TNR: variants seen among roughly 807,000 people sequenced by gnomAD.
The protein encoded by TNR is tenascin-R.
Under a neutral mutation model 150.4 loss-of-function variants are expected in TNR, and 45 were observed. That is an observed-to-expected ratio of 0.30 (90% CI 0.24 to 0.38). TNR has a LOEUF of 0.38. Among genes scored for constraint, TNR ranks in the 10% least tolerant of loss-of-function variants. TNR has a pLI of 1.00. For missense variants in TNR, 1,544 were observed against 1,759.1 expected, an observed-to-expected ratio of 0.88 and a Z score of 2.19; for synonymous variants, 687 against 678.4, an observed-to-expected ratio of 1.01 and a Z score of -0.20.
intron 1 of TNR, among the ~76,000 whole-genome samples, chr1:175,684,496 A>G (rs1160092839): frequency 2.0e-5 from 3 of 152,222 alleles, no homozygotes; most frequent in African/African-American, 4.8e-5. Flanking sequence ...TGTAATTGAC[A>G]TGTGAGCAAA....
At chr1:175,733,265 T>C (rs1001043965) in intron 1 of TNR, among the ~76,000 whole-genome samples, 11 of 152,188 alleles carry the variant, frequency 7.2e-5, no homozygotes, top group African/African-American at 2.4e-4. Flanking sequence ...TTAGTGAATG[T>C]CAGTTGTGGT....
chr1:175,443,510 T>A (rs926295558), intron 2 of TNR, among the ~76,000 whole-genome samples: 1 of 152,184 alleles, frequency 6.6e-6, no homozygotes, highest in African/African-American at 2.4e-5. Context: ...CTTAGCTCTG[T>A]GGTTGGGACT....
chr1:175,322,867 G>A lies in TNR; in HGVS notation c.*490C>T, dbSNP rs1231828340. 1 of 152,440 alleles carries A rather than the reference G, an allele frequency of 6.6e-6. No individual in the cohort carries two copies. The highest frequency in any genetic ancestry group is 1.5e-5 in the Non-Finnish European group (1 of 68,254). 9.4% of individuals were successfully genotyped at this position (152,440 alleles called of 1,614,324 possible). A position where few individuals can be genotyped will look rare whatever the true frequency, so the allele number is the denominator to read the frequency against. ...AAAAGAACCTGGGTTGTTGGGATGCGGTGTAGTTGATCTGTTTCCTTTTAA... is the reference window on the plus strand; with the variant it reads ...AAAAGAACCTGGGTTGTTGGGATGCAGTGTAGTTGATCTGTTTCCTTTTAA... On this transcript the variant is annotated 3_prime_UTR_variant, in exon 23 of 23. Coordinates refer to ENST00000367674, the MANE Select transcript of TNR (RefSeq NM_003285.3).
intron 2 of TNR, among the ~76,000 whole-genome samples, chr1:175,520,358 G>T (rs74127321): frequency 0.027 from 4,175 of 152,184 alleles, 82 homozygotes; most frequent in African/African-American, 0.055. Flanking sequence ...CACTCCCTTG[G>T]CCCATGGCCA....
intron 2 of TNR, among the ~76,000 whole-genome samples, chr1:175,436,076 T>A (rs1443089707): frequency 6.6e-6 from 1 of 152,226 alleles, no homozygotes; most frequent in East Asian, 1.9e-4. Flanking sequence ...TAACATTTTT[T>A]CCTTCATTTC....
intron 20 of TNR, among the ~76,000 whole-genome samples, chr1:175,331,069 CTTTCT>C (rs1649812196): frequency 3.1e-5 from 4 of 127,568 alleles, no homozygotes; most frequent in Non-Finnish European, 4.9e-5. Flanking sequence ...TTCTTTCTTT[CTTTCT>C]TTCCTTCTTT....
At chr1:175,648,294 G>A (rs1030313351) in intron 1 of TNR, among the ~76,000 whole-genome samples, 2 of 152,114 alleles carry the variant, frequency 1.3e-5, no homozygotes, top group Non-Finnish European at 2.9e-5. Flanking sequence ...CGTGCTCAAT[G>A]GATATAGGAC....
intron 1 of TNR, among the ~76,000 whole-genome samples, chr1:175,624,942 G>T (rs1040534258): frequency 2.0e-5 from 3 of 152,204 alleles, no homozygotes; most frequent in Non-Finnish European, 4.4e-5. Flanking sequence ...AGCACCTCCT[G>T]CTTCAGATTT....
At chr1:175,727,108 C>T (rs1032041224) in intron 1 of TNR, among the ~76,000 whole-genome samples, 3 of 152,244 alleles carry the variant, frequency 2.0e-5, no homozygotes, top group African/African-American at 4.8e-5. Context: ...GACAAGGGAA[C>T]TCTCCTGACT....
chr1:175,740,945 G>A (rs369773449), intron 1 of TNR, among the ~76,000 whole-genome samples: 12 of 152,214 alleles, frequency 7.9e-5, no homozygotes, highest in Admixed American at 6.5e-4. Context: ...TCAGGTGCAC[G>A]ACATCAGTTC....
At chr1:175,585,958 G>T (rs1374192694) in intron 1 of TNR, among the ~76,000 whole-genome samples, 1 of 152,208 alleles carries the variant, frequency 6.6e-6, no homozygotes, top group African/African-American at 2.4e-5. Flanking sequence ...GCACTGAGGT[G>T]TGCCAAAACT....
At chr1:175,650,693 CCCTA>C (rs1664934314) in intron 1 of TNR, among the ~76,000 whole-genome samples, 1 of 19,960 alleles carries the variant, frequency 5.0e-5, no homozygotes, top group African/African-American at 1.9e-4. Flanking sequence ...TACTACCTTT[CCCTA>C]CCCCATTACT....
chr1:175,733,602 T>G (rs1667698131), intron 1 of TNR, among the ~76,000 whole-genome samples: 1 of 152,160 alleles, frequency 6.6e-6, no homozygotes, highest in Non-Finnish European at 1.5e-5. Context: ...GGCACACTCT[T>G]GCTTTGCATT....
intron 2 of TNR, among the ~76,000 whole-genome samples, chr1:175,466,167 A>G (rs1282992609): frequency 6.6e-6 from 1 of 152,202 alleles, no homozygotes; most frequent in Non-Finnish European, 1.5e-5. Flanking sequence ...TGAATTAAAT[A>G]TTATGAGCCT....
chr1:175,350,532 T>A (rs982737357), intron 18 of TNR, among the ~76,000 whole-genome samples: 1 of 152,184 alleles, frequency 6.6e-6, no homozygotes, highest in African/African-American at 2.4e-5. Context: ...AAATAATGTA[T>A]CCATATTTTT....
intron 3 of TNR, 116 bp downstream of exon 3, chr1:175,406,100 T>C: frequency 7.2e-7 from 1 of 1,393,220 alleles, no homozygotes; most frequent in Non-Finnish European, 9.6e-7. Flanking sequence ...GATGCCGGGG[T>C]TTTGCTGGGA....
At chr1:175,467,202 T>C (rs545505520) in intron 2 of TNR, among the ~76,000 whole-genome samples, 10 of 152,290 alleles carry the variant, frequency 6.6e-5, no homozygotes, top group Non-Finnish European at 1.0e-4. Flanking sequence ...TGGGGGAATG[T>C]GGTCTGCCTG....
At chr1:175,568,286 A>G (rs890590893) in intron 1 of TNR, among the ~76,000 whole-genome samples, 1 of 151,822 alleles carries the variant, frequency 6.6e-6, no homozygotes, top group African/African-American at 2.4e-5. Context: ...TCTCTCTTTA[A>G]ACATACAAGC....
chr1:175,377,865 G>C (rs1652484372), intron 9 of TNR, among the ~76,000 whole-genome samples: 1 of 152,142 alleles, frequency 6.6e-6, no homozygotes, highest in South Asian at 2.1e-4. Flanking sequence ...TGACTGTTCT[G>C]CACAGCATCT....
Sources: gnomAD v4.1 joint callset for allele counts (sites outside exome capture counted in the v4.1 genomes callset) on GRCh38, gnomAD v4.1.1 for gene constraint, MANE v1.5 for transcripts, NCBI Gene and HGNC (gene_info 2026-07-23, HGNC 2026-07-21) for gene names.